PHIP: variants seen among roughly 807,000 people sequenced by gnomAD.
PHIP encodes PH-interacting protein.
A neutral mutation model predicts 236.8 loss-of-function variants in PHIP; 54 were observed. The observed-to-expected ratio is 0.23, with a 90% CI of 0.18 to 0.29. PHIP has a LOEUF of 0.29. PHIP is among the 10% of genes least tolerant of loss of function. The probability of loss-of-function intolerance (pLI) is 1.00; values close to 1 mark genes in which losing one functional copy is unlikely to be tolerated. For synonymous variants in PHIP, 756 were observed against 718.9 expected, an observed-to-expected ratio of 1.05 and a Z score of -0.83; for missense variants, 1,370 against 2,190.8, an observed-to-expected ratio of 0.63 and a Z score of 7.48.
chr6:78,945,732 G>A (rs1773778001), intron 38 of PHIP: 4 of 599,120 alleles, frequency 6.7e-6, no homozygotes, highest in Non-Finnish European at 1.2e-5. Flanking sequence ...GCAAGTCTTG[G>A]CAAATTGCTA....
intron 7 of PHIP, among the ~76,000 whole-genome samples, chr6:79,032,006 G>A (rs901047859): frequency 2.6e-5 from 4 of 152,156 alleles, no homozygotes; most frequent in South Asian, 2.1e-4. Flanking sequence ...GTATTCCAAC[G>A]AAGCAAACCA....
Position 78,936,788 on chromosome 6 carries a change from T to C in PHIP, c.*3905A>G, listed in dbSNP as rs1773285480. On this transcript the variant is annotated 3_prime_UTR_variant, in exon 40 of 40. Transcript: ENST00000275034. The stretch of plus-strand genomic sequence containing the variant: ...TTGACCTTTTCTTGGGTACTATACA[T>C]AGTTCGTAATGACTTTTCATTTGGA... 1 of 151,858 alleles carries C rather than the reference T, an allele frequency of 6.6e-6. No homozygotes were observed. The highest frequency in any genetic ancestry group is 2.4e-5 in the African/African-American group (1 of 41,442). The allele number at this position is 151,858 out of a possible 1,614,324, so 9.4% of individuals were successfully genotyped here. A position where few individuals can be genotyped will look rare whatever the true frequency, so the allele number is the denominator to read the frequency against.
intron 6 of PHIP, among the ~76,000 whole-genome samples, chr6:79,050,464 CTG>C (rs1772736149): frequency 6.6e-6 from 1 of 152,156 alleles, no homozygotes; most frequent in African/African-American, 2.4e-5. Flanking sequence ...GTGCCAAAGA[CTG>C]TACCCTTAAC....
rs557465691 is a variant in PHIP at position 78,974,119 on chromosome 6, C to G, written c.2890-3231G>C. On this transcript the variant is annotated intron_variant, in intron 24 of 39. Transcript: ENST00000275034. ...CACCTATTCCAAAATTGACCACATACTTGGAAGTAAAGCTCTCCTCAGCAA... is the reference window on the plus strand; with the variant it reads ...CACCTATTCCAAAATTGACCACATAGTTGGAAGTAAAGCTCTCCTCAGCAA... 9.1e-3 allele frequency among the ~76,000 whole-genome samples: 1,389 copies of G among 151,882 alleles called. 25 individuals are homozygous for G. The highest frequency in any genetic ancestry group is 0.032 in the African/African-American group (1,326 of 41,474).
chr6:78,964,773 G>A (rs752875918), intron 29 of PHIP, among the ~76,000 whole-genome samples: 2 of 152,170 alleles, frequency 1.3e-5, no homozygotes, highest in African/African-American at 2.4e-5. Context: ...TTACAGGTGT[G>A]AGCCACCACT....
intron 19 of PHIP, among the ~76,000 whole-genome samples, chr6:78,996,226 C>T (rs1468582295): frequency 6.6e-6 from 1 of 152,130 alleles, no homozygotes; most frequent in African/African-American, 2.4e-5. Context: ...TACATTTGGC[C>T]CTGCATCTTA....
chr6:79,019,279 C>T, intron 9 of PHIP, 120 bp from the exon 10 acceptor site: 1 of 668,854 alleles, frequency 1.5e-6, no homozygotes, highest in East Asian at 2.6e-5. Context: ...TGGCTCCCTT[C>T]CTAAAAACAA....
chr6:79,043,082 C>T (rs1301329832), intron 6 of PHIP, 79 bp from the exon 7 acceptor site: 1 of 1,117,884 alleles, frequency 8.9e-7, no homozygotes, highest in Non-Finnish European at 1.3e-6. Context: ...AATTCACATA[C>T]TCCAATTTGT....
intron 23 of PHIP, 89 bp downstream of exon 23, chr6:78,982,797 A>C: frequency 1.3e-6 from 1 of 777,072 alleles, no homozygotes; most frequent in Non-Finnish European, 2.0e-6. Flanking sequence ...GATACACTTC[A>C]ACAATGTTTG....
Position 79,056,520 on chromosome 6 carries a change from T to C in PHIP, c.439+3958A>G, listed in dbSNP as rs1362342542. ...GGTAATATGTGCACTTCAAAAAGTTTAGAGCAGTGATAATTTTGCCCAGGA... is the reference window on the plus strand; with the variant it reads ...GGTAATATGTGCACTTCAAAAAGTTCAGAGCAGTGATAATTTTGCCCAGGA... On this transcript the variant is annotated intron_variant, in intron 6 of 39. Transcript: ENST00000275034. Among the ~76,000 whole-genome samples, 4 of 152,266 alleles carry C rather than the reference T, an allele frequency of 2.6e-5. No homozygotes were observed. The East Asian group carries it at 7.7e-4, about 29-fold the overall frequency.
chr6:78,971,616 A>C (rs567083310), intron 24 of PHIP, among the ~76,000 whole-genome samples: 32 of 152,228 alleles, frequency 2.1e-4, no homozygotes, highest in African/African-American at 5.3e-4. Context: ...ATCTGAGGTA[A>C]CGGGTTCATC....
chr6:79,036,407 TC>T (rs1771935173), intron 7 of PHIP, among the ~76,000 whole-genome samples: 1 of 130,700 alleles, frequency 7.7e-6, no homozygotes, highest in South Asian at 2.6e-4. Context: ...ATGACCATAC[TC>T]TGCCTCTTTT....
In PHIP at chr6:79,027,214, G is replaced by A. The variant is rs371610526; in HGVS notation, c.601-1050C>T. Among the ~76,000 whole-genome samples the A allele has an allele frequency of 9.9e-4, 151 of 152,216 alleles. 1 individual carries two copies. The highest frequency in any genetic ancestry group is 3.5e-3 in the African/African-American group (147 of 41,548). ...CTGACAATAAATATAACATATTAAT[G>A]TTTCCAAACAGAGTATGTTAAATGC... On this transcript the variant is annotated intron_variant, in intron 7 of 39. Transcript: ENST00000275034.
rs1238184544 is a variant in PHIP, at chr6:78,945,332, G to C, written c.4796C>G (p.Thr1599Ser). 2 of 1,613,556 alleles carry C rather than the reference G, an allele frequency of 1.2e-6. No homozygotes were observed. The highest frequency in any genetic ancestry group is 1.7e-6 in the Non-Finnish European group (2 of 1,179,514). Residue 1599 changes from threonine to serine, a missense_variant, in exon 39 of 40, where the codon ACT becomes AGT. This residue lies in a region of PHIP where 309 missense variants were observed against 328.3 expected (regional missense o/e 0.94). Coordinates refer to ENST00000275034, the MANE Select transcript of PHIP (RefSeq NM_017934.7). ...MKSSVLPKAS[T>S]LSKSSAVIEQ... The stretch of plus-strand genomic sequence containing the variant: ...AATGACAGCTGATGACTTTGAAAGA[G>C]TGGACGCCTTTGGGAGTACAGATGA...
chr6:78,984,189 T>C (rs528848274), intron 22 of PHIP, among the ~76,000 whole-genome samples: 1 of 152,290 alleles, frequency 6.6e-6, no homozygotes, highest in African/African-American at 2.4e-5. Context: ...TACCTAAATC[T>C]CTGATTATCC....
rs762857737 is a variant in PHIP at position 78,955,232 on chromosome 6, CT to C, written c.3902del (p.Lys1301ArgfsTer29). On this transcript the variant is annotated frameshift_variant and splice_region_variant, in exon 34 of 40. Coordinates refer to ENST00000275034, the MANE Select transcript of PHIP (RefSeq NM_017934.7). LOFTEE classifies it high-confidence loss of function. ...DVPGTSTRKR[K>X]DHQPRRRLRN... ...TCTGCTAAAACTAAAACTATATTAC[CT>C]TCCTTTTTCGAGTAGAAGTTCCTGG... 2 of 1,600,992 alleles carry C rather than the reference CT, an allele frequency of 1.2e-6. No homozygotes were observed. Among genetic ancestry groups the C allele is most frequent in the Non-Finnish European group, 1.7e-6 (2 of 1,170,038 alleles).
intron 19 of PHIP, among the ~76,000 whole-genome samples, chr6:78,996,970 T>C (rs1769658005): frequency 6.6e-6 from 1 of 151,148 alleles, no homozygotes; most frequent in Non-Finnish European, 1.5e-5. Context: ...TACTTTTAAA[T>C]ATAAATATTT....
intron 17 of PHIP, among the ~76,000 whole-genome samples, chr6:79,001,092 T>C (rs532444375): frequency 8.4e-4 from 128 of 152,218 alleles, no homozygotes; most frequent in Non-Finnish European, 1.6e-3. Flanking sequence ...CTTTTGTCGA[T>C]TGAAGTCTAG....
chr6:79,071,117 C>G (rs1202626068), intron 4 of PHIP, among the ~76,000 whole-genome samples: 2 of 152,212 alleles, frequency 1.3e-5, no homozygotes, highest in Non-Finnish European at 2.9e-5. Flanking sequence ...AACTCCTCAT[C>G]CAACCATCCT....
Sources: allele counts gnomAD v4.1 joint callset (sites outside exome capture counted in the v4.1 genomes callset), GRCh38; gene constraint gnomAD v4.1.1; regional missense constraint gnomAD v4.1.1; transcripts MANE v1.5; gene names NCBI Gene and HGNC (gene_info 2026-07-23, HGNC 2026-07-21).